CCDC62: variants seen among roughly 807,000 people sequenced by gnomAD.
CCDC62 encodes coiled-coil domain containing 62, also known as coiled-coil domain-containing protein 62.
A neutral mutation model predicts 80.8 loss-of-function variants in CCDC62; 72 were observed. The observed-to-expected ratio is 0.89, with a 90% confidence interval of 0.74 to 1.08. CCDC62 has a LOEUF of 1.08. Ranked by LOEUF, CCDC62 falls within the 50% of genes least tolerant of loss-of-function variation. The pLI, the probability that CCDC62 is intolerant of heterozygous loss-of-function variation, is 0.00. For synonymous variants in CCDC62, 286 were observed against 296.5 expected (o/e 0.96, Z 0.36); for missense variants, 704 against 809.4 (o/e 0.87, Z 1.58).
intron 5 of CCDC62, among the ~76,000 whole-genome samples, 180 bp from the exon 6 acceptor site, chr12:122,791,840 C>T (rs992541594): frequency 7.9e-5 from 12 of 152,184 alleles, no homozygotes; most frequent in Non-Finnish European, 1.2e-4. Flanking sequence ...TGAGAGCAAG[C>T]GAAGCCTCCA....
chr12:122,792,039 G>A lies in CCDC62; in HGVS notation c.690G>A (p.Thr230=), dbSNP rs1446325409. 4 of 1,613,722 alleles carry A rather than the reference G, an allele frequency of 2.5e-6. No individual in the cohort carries two copies. The highest frequency in any genetic ancestry group is 3.4e-6 in the Non-Finnish European group (4 of 1,179,712). Residue 230 remains threonine, a synonymous_variant, in exon 6 of 13, where the codon ACG becomes ACA. Coordinates refer to ENST00000253079, the MANE Select transcript of CCDC62 (RefSeq NM_201435.5). ...GTGAAGAGGACCTCAATGAAAAGAC[G>A]ACAGAAAATAATGAGCAACGAGAAG... ...NKLKEDLNEK[T]TENNEQREEI... is the part of the protein sequence containing the mutation.
chr12:122,787,307 C>T (rs1477665091), intron 4 of CCDC62, among the ~76,000 whole-genome samples: 5 of 151,964 alleles, frequency 3.3e-5, no homozygotes, highest in Non-Finnish European at 5.9e-5. Flanking sequence ...AAAAATTAGC[C>T]GGGCATGGTG....
chr12:122,822,934 C>T (rs577907879), intron 11 of CCDC62, among the ~76,000 whole-genome samples: 1 of 151,942 alleles, frequency 6.6e-6, no homozygotes, highest in African/African-American at 2.4e-5. Flanking sequence ...GAGTGGAGTG[C>T]AGATATCTCT....
rs1384574453 is a variant in CCDC62, at chr12:122,812,766, AG to A, written c.1852-503del. Among the ~76,000 whole-genome samples the A allele has an allele frequency of 3.5e-4, 30 of 84,820 alleles. 1 individual carries two copies. The highest frequency in any genetic ancestry group is 1.5e-3 in the African/African-American group (27 of 17,692). 55.6% of individuals were successfully genotyped at this position (84,820 alleles called of 152,430 possible). On this transcript the variant is annotated intron_variant, in intron 10 of 12. Transcript: ENST00000253079. Reference sequence around the variant, plus strand: ...GAGAGAGAGAGGGAGGGAGAGAGAGAGAGAGAGAGAGAGAAAGAAAGAAAGA... The same window carrying A: ...GAGAGAGAGAGGGAGGGAGAGAGAGAAGAGAGAGAGAGAAAGAAAGAAAGA...
intron 11 of CCDC62, among the ~76,000 whole-genome samples, chr12:122,822,629 A>C (rs1248800382): frequency 1.6e-5 from 2 of 122,790 alleles, no homozygotes; most frequent in African/African-American, 7.1e-5. Context: ...GCTGGAGTGC[A>C]GTGGTGCGAT....
At position 122,823,477 on chromosome 12, in the gene CCDC62, A is replaced by T. The variant is rs1054210799; in HGVS notation, c.*40+18A>T. The T allele has an allele frequency of 1.8e-6, 2 of 1,137,240 alleles. No homozygotes were observed. Among genetic ancestry groups the T allele is most frequent in the African/African-American group, 3.1e-5 (2 of 65,426 alleles). 70.4% of individuals were successfully genotyped at this position (1,137,240 alleles called of 1,614,324 possible). On this transcript the variant is annotated intron_variant, in intron 12 of 12. Coordinates refer to ENST00000253079, the MANE Select transcript of CCDC62 (RefSeq NM_201435.5). ...GATCACGAGTAAGTCACCTTTGCTT[A>T]TCTCACCTTATATCTCAATTAATAT... is the stretch of plus-strand genomic sequence containing the variant.
At chr12:122,815,045 C>T (rs539506437) in intron 11 of CCDC62, among the ~76,000 whole-genome samples, 1 of 152,192 alleles carries the variant, frequency 6.6e-6, no homozygotes, top group East Asian at 1.9e-4. Flanking sequence ...CCTCCTGCCT[C>T]AGCCTCCCAA....
chr12:122,774,726 G>A lies in CCDC62; in HGVS notation c.36+20G>A. On this transcript the variant is annotated intron_variant, in intron 1 of 12. Coordinates refer to ENST00000253079, the MANE Select transcript of CCDC62 (RefSeq NM_201435.5). Reference sequence around the variant, plus strand: ...CGCCAGGTAAGCAGCGGTTCCGGGCGCGGCGGGGCGCCGCGGGAACGGTGC... The same window carrying A: ...CGCCAGGTAAGCAGCGGTTCCGGGCACGGCGGGGCGCCGCGGGAACGGTGC... 8.0e-7 allele frequency: 1 copy of A among 1,248,756 alleles called. No individual in the cohort carries two copies. Among genetic ancestry groups the A allele is most frequent in the Non-Finnish European group, 1.0e-6 (1 of 987,290 alleles). The allele number at this position is 1,248,756 out of a possible 1,614,324, so 77.4% of individuals were successfully genotyped here.
At chr12:122,802,459 G>A (rs972277254) in intron 9 of CCDC62, among the ~76,000 whole-genome samples, 3 of 149,496 alleles carry the variant, frequency 2.0e-5, no homozygotes, top group Non-Finnish European at 4.4e-5. Flanking sequence ...TGTCGCCCAG[G>A]CTGGAGTGCA....
chr12:122,809,812 A>G (rs889115310), intron 10 of CCDC62, among the ~76,000 whole-genome samples: 4 of 152,200 alleles, frequency 2.6e-5, no homozygotes, highest in African/African-American at 4.8e-5. Flanking sequence ...TACTGGTACC[A>G]AAACAGAGAT....
chr12:122,786,504 C>G lies in CCDC62; in HGVS notation c.498+684C>G, dbSNP rs1345136918. ...TGCAATCAAGCAGTTGATGTAGTCACTAACATGCAATATACAACGATACAC... is the reference window on the plus strand; with the variant it reads ...TGCAATCAAGCAGTTGATGTAGTCAGTAACATGCAATATACAACGATACAC... On this transcript the variant is annotated intron_variant, in intron 4 of 12. Coordinates refer to ENST00000253079, the MANE Select transcript of CCDC62 (RefSeq NM_201435.5). Among the ~76,000 whole-genome samples, 4 of 152,070 alleles carry G rather than the reference C, an allele frequency of 2.6e-5. No individual in the cohort carries two copies. In the East Asian group the frequency reaches 5.8e-4, roughly 22 times the overall value.
At chr12:122,794,756 A>G (rs555026733) in intron 6 of CCDC62, among the ~76,000 whole-genome samples, 1 of 152,288 alleles carries the variant, frequency 6.6e-6, no homozygotes, top group East Asian at 1.9e-4. Context: ...GTCTGGGTTC[A>G]AGTGATCCTG....
chr12:122,822,363 C>A (rs967044078), intron 11 of CCDC62, among the ~76,000 whole-genome samples: 3 of 152,076 alleles, frequency 2.0e-5, no homozygotes, highest in African/African-American at 7.2e-5. Flanking sequence ...CTCGGCCTCC[C>A]AAAGTGCTGG....
chr12:122,824,555 C>T (rs985033745), intron 12 of CCDC62, among the ~76,000 whole-genome samples: 6 of 152,200 alleles, frequency 3.9e-5, no homozygotes, highest in African/African-American at 9.7e-5. Flanking sequence ...CACTTTTACA[C>T]TGCTGGTGGG....
In CCDC62 at chr12:122,801,230, T is replaced by C. The variant is rs192803603; in HGVS notation, c.1084T>C (p.Leu362=). ...LFKDQKFEAM[L]VQQNRSDKSS... ...TAAGGACCAGAAATTTGAAGCCATG[T>C]TGGTTCAGCAAAATAGGTCAGACAA... Residue 362 remains leucine (L), a synonymous_variant, in exon 9 of 13, where the codon TTG becomes CTG. Transcript: ENST00000253079. 6.2e-7 allele frequency: 1 copy of C among 1,614,148 alleles called. No homozygotes were observed. Among genetic ancestry groups the C allele is most frequent in the African/African-American group, 1.3e-5 (1 of 75,020 alleles).
intron 10 of CCDC62, among the ~76,000 whole-genome samples, chr12:122,812,647 G>GGCAGGAGGATGGCGTGAACCCT (rs71085856): frequency 4.1e-5 from 1 of 24,454 alleles, no homozygotes; most frequent in Non-Finnish European, 1.2e-4. Flanking sequence ...GGGAGGCTGA[G>GGCAGGAGGATGGCGTGAACCCT]GTGGGTGGAG....
intron 11 of CCDC62, among the ~76,000 whole-genome samples, chr12:122,819,707 T>C (rs1566090484): frequency 6.6e-6 from 1 of 152,076 alleles, no homozygotes; most frequent in Non-Finnish European, 1.5e-5. Context: ...TTTCCAGATA[T>C]ATTGCTAAGT....
In CCDC62 at chr12:122,792,022, GA is replaced by G. The variant is rs766619523; in HGVS notation, c.674del (p.Asp225AlafsTer34). 2.2e-5 allele frequency: 36 copies of G among 1,609,922 alleles called. No individual in the cohort carries two copies. The African/African-American group carries it at 4.7e-4, about 21-fold the overall frequency. On this transcript the variant is annotated frameshift_variant, in exon 6 of 13. Coordinates refer to ENST00000253079, the MANE Select transcript of CCDC62 (RefSeq NM_201435.5). LOFTEE classifies it high-confidence loss of function. ...TTTCTTTTTCTTCTGTTGTGAAGAG[GA>G]CCTCAATGAAAAGACGACAGAAAAT... The part of the protein sequence containing the change: ...LKIEVNKLKE[D>X]LNEKTTENNE...
intron 10 of CCDC62, among the ~76,000 whole-genome samples, chr12:122,810,447 A>G (rs973397101): frequency 1.1e-4 from 17 of 152,370 alleles, no homozygotes; most frequent in Non-Finnish European, 1.9e-4. Flanking sequence ...CATCAGAGAA[A>G]TGCAAATCAA....
Sources: gnomAD v4.1 joint callset for allele counts (sites outside exome capture counted in the v4.1 genomes callset) on GRCh38, gnomAD v4.1.1 for gene constraint, MANE v1.5 for transcripts, NCBI Gene and HGNC (gene_info 2026-07-23, HGNC 2026-07-21) for gene names.